Variants in BCL7C observed in about 807,000 individuals in gnomAD.
The protein encoded by BCL7C is B-cell CLL/lymphoma 7 protein family member C.
BCL7C carries 8 observed loss-of-function variants against 26.2 expected under a neutral mutation model. The ratio of observed to expected loss-of-function variants is 0.30; its 90% CI spans 0.18 to 0.55. The LOEUF is 0.55. Among genes scored for constraint, BCL7C ranks in the 20% least tolerant of loss-of-function variants. The probability of loss-of-function intolerance (pLI) is 0.93; values close to 1 mark genes in which losing one functional copy is unlikely to be tolerated. For synonymous variants in BCL7C, 90 were observed against 116.5 expected, an observed-to-expected ratio of 0.77 and a Z score of 1.47; for missense variants, 262 against 298.5, an observed-to-expected ratio of 0.88 and a Z score of 0.90.
At chr16:30,848,913 C>T (rs572764875) in intron 5 of BCL7C, among the ~76,000 whole-genome samples, 74 of 144,246 alleles carry the variant, frequency 5.1e-4, no homozygotes, top group African/African-American at 1.7e-3. Flanking sequence ...AAAGGCTGGG[C>T]GCGGTGGTTC....
chr16:30,861,798 C>G (rs1418368334), intron 5 of BCL7C, among the ~76,000 whole-genome samples: 1 of 151,566 alleles, frequency 6.6e-6, no homozygotes, highest in Admixed American at 6.6e-5. Context: ...TGGGTATTCA[C>G]GACCAGGCTT....
intron 5 of BCL7C, among the ~76,000 whole-genome samples, chr16:30,858,271 G>A (rs556713289): frequency 6.6e-6 from 1 of 152,220 alleles, no homozygotes; most frequent in East Asian, 1.9e-4. Flanking sequence ...AGTCATTAGC[G>A]GACCCAGAGC....
chr16:30,873,186 G>A (rs1201755452), intron 5 of BCL7C, among the ~76,000 whole-genome samples: 1 of 151,966 alleles, frequency 6.6e-6, no homozygotes, highest in Non-Finnish European at 1.5e-5. Context: ...ATGCTGTTCA[G>A]TTCTAGCTGG....
chr16:30,881,426 A>ACACACACACAC (rs1567320786), intron 5 of BCL7C, among the ~76,000 whole-genome samples: 10 of 144,888 alleles, frequency 6.9e-5, no homozygotes, highest in South Asian at 2.3e-4. Context: ...ACACACACAC[A>ACACACACACAC]ACAAAAAATT....
At chr16:30,870,552 G>A (rs938408939) in intron 5 of BCL7C, among the ~76,000 whole-genome samples, 3 of 152,004 alleles carry the variant, frequency 2.0e-5, no homozygotes, top group Non-Finnish European at 4.4e-5. Context: ...GCTCACGCCT[G>A]TAATCCCAGC....
intron 5 of BCL7C, among the ~76,000 whole-genome samples, chr16:30,863,936 C>A (rs2054799553): frequency 6.6e-6 from 1 of 152,158 alleles, no homozygotes; most frequent in African/African-American, 2.4e-5. Context: ...AATTCTTTCA[C>A]CCTGATGAAG....
At chr16:30,892,009 G>A (rs1004621803) in intron 4 of BCL7C, among the ~76,000 whole-genome samples, 1 of 150,948 alleles carries the variant, frequency 6.6e-6, no homozygotes, top group Non-Finnish European at 1.5e-5. Context: ...GCTCACACCC[G>A]TAATCCCAGC....
At position 30,869,694 on chromosome 16, in the gene BCL7C, G is replaced by A. The variant is rs142038477; in HGVS notation, c.528+19166C>T. On this transcript the variant is annotated intron_variant, in intron 5 of 5. Coordinates refer to the BCL7C transcript ENST00000380317. ...GCCCGACTAATTTTTTTTATTTTTTGTAGAGATGGGGTCTCGCTATGGTGC... is the reference window on the plus strand; with the variant it reads ...GCCCGACTAATTTTTTTTATTTTTTATAGAGATGGGGTCTCGCTATGGTGC... Among the ~76,000 whole-genome samples the A allele has an allele frequency of 5.1e-3, 773 of 150,972 alleles. 2 individuals are homozygous for A. Among genetic ancestry groups the A allele is most frequent in the Non-Finnish European group, 9.0e-3 (612 of 67,744 alleles).
At chr16:30,869,543 G>A (rs1453154015) in intron 5 of BCL7C, among the ~76,000 whole-genome samples, 23 of 138,638 alleles carry the variant, frequency 1.7e-4, no homozygotes, top group African/African-American at 6.3e-4. Flanking sequence ...ACGGGGTCTC[G>A]CTCTGTTGCC....
At chr16:30,833,634 G>C (rs988933809) in exon 6 of BCL7C, 1 of 152,214 alleles carries the variant, frequency 6.6e-6, no homozygotes, top group Non-Finnish European at 1.5e-5. Flanking sequence ...TCCTGGAATG[G>C]AGCTTCCTTC....
intron 5 of BCL7C, among the ~76,000 whole-genome samples, chr16:30,872,658 G>C (rs1006976659): frequency 1.3e-5 from 2 of 152,108 alleles, no homozygotes; most frequent in African/African-American, 4.8e-5. Flanking sequence ...CCTGGTGCCC[G>C]CATGTTTTGG....
At position 30,892,270 on chromosome 16, in the gene BCL7C, CAAAAAAAAAAAAAAA is replaced by C. The variant is rs55772061; in HGVS notation, c.442+301_442+315del. 1.7e-3 allele frequency among the ~76,000 whole-genome samples: 77 copies of C among 44,498 alleles called. 2 individuals carry two copies. The highest frequency in any genetic ancestry group is 7.6e-3 in the African/African-American group (72 of 9,490). The allele number at this position is 44,498 out of a possible 152,430, so 29.2% of individuals were successfully genotyped here. A position where few individuals can be genotyped will look rare whatever the true frequency, so the allele number is the denominator to read the frequency against. ...TGGGTGACAGAGCGAGACCCTTTCT[CAAAAAAAAAAAAAAA>C]AAAAAAAAAAAAAAAGGATCAATAT... On this transcript the variant is annotated intron_variant, in intron 4 of 5. Coordinates refer to ENST00000215115, the MANE Select transcript of BCL7C (RefSeq NM_004765.4).
rs563471235 is a variant in BCL7C at position 30,862,724 on chromosome 16, C to T, written c.528+26136G>A. 4.6e-5 allele frequency among the ~76,000 whole-genome samples: 7 copies of T among 152,286 alleles called. 1 individual carries two copies. The South Asian group carries it at 1.5e-3, about 32-fold the overall frequency. On this transcript the variant is annotated intron_variant, in intron 5 of 5. Transcript: ENST00000380317. ...ATAATCTCCCAAACCCCAAACCCTT[C>T]TACAAAGCAACAACTCCTTTCCTTC...
At chr16:30,863,037 C>A (rs1286546161) in intron 5 of BCL7C, among the ~76,000 whole-genome samples, 1 of 152,118 alleles carries the variant, frequency 6.6e-6, no homozygotes, top group East Asian at 1.9e-4. Context: ...AACAACTTGA[C>A]CTTACTGTTT....
At chr16:30,886,923 A>G (rs1037248403), downstream of BCL7C, among the ~76,000 whole-genome samples, 1 of 152,232 alleles carries the variant, frequency 6.6e-6, no homozygotes, top group African/African-American at 2.4e-5. Context: ...CTGTAATCCC[A>G]ACACTTTAGG....
intron 5 of BCL7C, among the ~76,000 whole-genome samples, chr16:30,856,935 T>A (rs1409548872): frequency 6.6e-6 from 1 of 152,202 alleles, no homozygotes; most frequent in Non-Finnish European, 1.5e-5. Flanking sequence ...TCTTTCCTTT[T>A]AAGTTTTTTT....
rs1401498118 is a variant in BCL7C, at chr16:30,842,811, G to A, written c.529-7663C>T. Among the ~76,000 whole-genome samples the A allele has an allele frequency of 4.6e-5, 7 of 152,042 alleles. No homozygotes were observed. In the South Asian group the frequency reaches 8.3e-4, roughly 18 times the overall value. The stretch of plus-strand genomic sequence containing the variant: ...TCTCGATCTCCTGACCTCGTGATCC[G>A]CTCGCCTCAGCCTCCCAAAGTGCTG... On this transcript the variant is annotated intron_variant, in intron 5 of 5. Coordinates refer to the BCL7C transcript ENST00000380317.
At chr16:30,844,420 C>T (rs548618351) in intron 5 of BCL7C, among the ~76,000 whole-genome samples, 147 of 150,566 alleles carry the variant, frequency 9.8e-4, no homozygotes, top group Non-Finnish European at 1.7e-3. Flanking sequence ...CTAATTTGCT[C>T]CAAGAAAGAT....
chr16:30,875,950 A>T (rs1229639204), intron 5 of BCL7C: 1 of 152,236 alleles, frequency 6.6e-6, no homozygotes, highest in East Asian at 1.9e-4. Context: ...ACTTGCCCCA[A>T]ATCACAGTTA....
Sources: gnomAD v4.1 joint callset for allele counts (sites outside exome capture counted in the v4.1 genomes callset) on GRCh38, gnomAD v4.1.1 for gene constraint, MANE v1.5 for transcripts, NCBI Gene and HGNC (gene_info 2026-07-23, HGNC 2026-07-21) for gene names.